Variants in RABGAP1 observed in about 807,000 individuals in gnomAD.
RABGAP1 encodes the protein RAB GTPase activating protein 1, also known as rab GTPase-activating protein 1.
A neutral mutation model predicts 137.6 loss-of-function variants in RABGAP1; 23 were observed. The observed-to-expected ratio is 0.17, with a 90% CI of 0.12 to 0.24. RABGAP1 has a LOEUF of 0.24. Among genes scored for constraint, RABGAP1 ranks in the 10% least tolerant of loss-of-function variants. The pLI, the probability that RABGAP1 is intolerant of heterozygous loss-of-function variation, is 1.00. For missense variants in RABGAP1, 906 were observed against 1,275.8 expected (o/e 0.71, Z 4.42); for synonymous variants, 451 against 450.7 (o/e 1.00, Z -0.01).
At chr9:123,012,541 C>G (rs1019079019) in intron 11 of RABGAP1, among the ~76,000 whole-genome samples, 2 of 152,136 alleles carry the variant, frequency 1.3e-5, no homozygotes, top group South Asian at 2.1e-4. Context: ...AGCAGACATA[C>G]CTTTTTTAAA....
intron 1 of RABGAP1, among the ~76,000 whole-genome samples, chr9:122,953,715 C>T: frequency 6.6e-6 from 1 of 152,196 alleles, no homozygotes; most frequent in East Asian, 1.9e-4. Context: ...AGTATTTTAA[C>T]TTAGGTATTT....
intron 10 of RABGAP1, among the ~76,000 whole-genome samples, chr9:122,999,864 G>A (rs1837232105): frequency 6.6e-6 from 1 of 151,290 alleles, no homozygotes; most frequent in Non-Finnish European, 1.5e-5. Flanking sequence ...TTTTTCCCAG[G>A]CTTTTTTCTG....
At chr9:123,099,308 A>G (rs2035273585) in intron 23 of RABGAP1, among the ~76,000 whole-genome samples, 170 bp from the exon 24 acceptor site, 1 of 152,228 alleles carries the variant, frequency 6.6e-6, no homozygotes. Flanking sequence ...CAGAGGCGGC[A>G]TAGCTAGAAG....
At chr9:123,097,982 T>C in intron 22 of RABGAP1, 137 bp downstream of exon 22, 1 of 677,280 alleles carries the variant, frequency 1.5e-6, no homozygotes, top group South Asian at 2.0e-5. Context: ...TTTTTCCCCC[T>C]ACTGTGTAAA....
At chr9:123,063,947 C>T (rs572647191) in intron 13 of RABGAP1, among the ~76,000 whole-genome samples, 1 of 152,296 alleles carries the variant, frequency 6.6e-6, no homozygotes, top group African/African-American at 2.4e-5. Flanking sequence ...AACTCTTCAG[C>T]TCTCTGTTCA....
At chr9:123,076,932 T>C (rs1172123041) in intron 19 of RABGAP1, 170 bp downstream of exon 19, 1 of 355,256 alleles carries the variant, frequency 2.8e-6, no homozygotes, top group African/African-American at 2.2e-5. Context: ...TCTTCTGTAT[T>C]ATATAACTCT....
chr9:122,989,678 GA>G, intron 5 of RABGAP1: 1 of 602,556 alleles, frequency 1.7e-6, no homozygotes, highest in East Asian at 2.9e-5. Context: ...AAGAATGTCA[GA>G]GGAGATCTGT....
chr9:122,962,115 G>T (rs1030562895), intron 2 of RABGAP1, among the ~76,000 whole-genome samples: 1 of 151,938 alleles, frequency 6.6e-6, no homozygotes, highest in African/African-American at 2.4e-5. Flanking sequence ...AAAGGCAGGG[G>T]GAAGGGAATA....
intron 13 of RABGAP1, among the ~76,000 whole-genome samples, chr9:123,033,279 C>T (rs933103184): frequency 1.3e-5 from 2 of 152,068 alleles, no homozygotes; most frequent in African/African-American, 4.8e-5. Context: ...GGGAAAATGC[C>T]GTGAGAAAAT....
At chr9:123,021,915 T>G (rs1225819392) in intron 13 of RABGAP1, among the ~76,000 whole-genome samples, 1 of 152,182 alleles carries the variant, frequency 6.6e-6, no homozygotes, top group Non-Finnish European at 1.5e-5. Flanking sequence ...AAGTTAACAG[T>G]TCTATCTGGG....
At chr9:123,046,452 C>G (rs1305736286) in intron 13 of RABGAP1, among the ~76,000 whole-genome samples, 2 of 152,120 alleles carry the variant, frequency 1.3e-5, no homozygotes, top group Admixed American at 1.3e-4. Context: ...GTGTAGTGGC[C>G]AAAAGTATGT....
intron 1 of RABGAP1, among the ~76,000 whole-genome samples, chr9:122,948,751 A>G (rs1454277248): frequency 6.6e-6 from 1 of 152,166 alleles, no homozygotes; most frequent in East Asian, 1.9e-4. Context: ...TTTTTTGATC[A>G]TGACAGTTGG....
At chr9:122,993,617 C>T (rs1163282648) in intron 6 of RABGAP1, among the ~76,000 whole-genome samples, 2 of 152,084 alleles carry the variant, frequency 1.3e-5, no homozygotes, top group Non-Finnish European at 2.9e-5. Context: ...CCATTTTGCC[C>T]ATGGGAAAAC....
At chr9:122,978,904 CTTTATTTTAT>C (rs1480942504) in intron 2 of RABGAP1, among the ~76,000 whole-genome samples, 1 of 38,556 alleles carries the variant, frequency 2.6e-5, no homozygotes, top group South Asian at 1.4e-3. Context: ...TTTTATTTTA[CTTTATTTTAT>C]TTTATTTTAA....
chr9:122,981,048 G>T (rs2131729608), intron 2 of RABGAP1, among the ~76,000 whole-genome samples: 1 of 152,082 alleles, frequency 6.6e-6, no homozygotes, highest in East Asian at 1.9e-4. Context: ...TGTTGTTGTT[G>T]TTCTTGTTTG....
chr9:123,057,400 C>G (rs1025856658), intron 13 of RABGAP1, among the ~76,000 whole-genome samples: 3 of 150,374 alleles, frequency 2.0e-5, no homozygotes, highest in African/African-American at 7.4e-5. Context: ...AGAGGTGCTC[C>G]TCACATCCCA....
intron 1 of RABGAP1, among the ~76,000 whole-genome samples, chr9:122,950,675 A>G (rs982579889): frequency 6.6e-6 from 1 of 152,008 alleles, no homozygotes; most frequent in Non-Finnish European, 1.5e-5. Flanking sequence ...CCTCACCATA[A>G]TTCTATACCT....
intron 19 of RABGAP1, among the ~76,000 whole-genome samples, chr9:123,079,851 G>A (rs560480634): frequency 1.3e-5 from 2 of 152,190 alleles, no homozygotes; most frequent in African/African-American, 2.4e-5. Context: ...ATGCCATTAC[G>A]TCCTTATCCT....
At chr9:122,993,851 A>G (rs1836874707) in intron 6 of RABGAP1, among the ~76,000 whole-genome samples, 1 of 151,832 alleles carries the variant, frequency 6.6e-6, no homozygotes, top group Admixed American at 6.6e-5. Context: ...TTCAATAGAG[A>G]CAGGGTTTTA....
Sources: gnomAD v4.1 joint callset for allele counts (sites outside exome capture counted in the v4.1 genomes callset) on GRCh38, gnomAD v4.1.1 for gene constraint, MANE v1.5 for transcripts, NCBI Gene and HGNC (gene_info 2026-07-23, HGNC 2026-07-21) for gene names.